Variants in PAGE2B observed in about 807,000 individuals in gnomAD.
The protein encoded by PAGE2B is putative G antigen family E member 3.
A neutral mutation model predicts 7.6 loss-of-function variants in PAGE2B; 5 were observed. That is an observed-to-expected ratio of 0.66 (90% CI 0.34 to 1.38). The LOEUF (loss-of-function observed/expected upper bound fraction) is 1.38. PAGE2B is among the 40% of genes most tolerant of loss of function. The pLI, the probability that PAGE2B is intolerant of heterozygous loss-of-function variation, is 0.04. For synonymous variants in PAGE2B, 29 were observed against 26.7 expected (o/e 1.09, Z -0.27); for missense variants, 70 against 78.4 (o/e 0.89, Z 0.41).
the PAGE2B span, among the ~76,000 whole-genome samples, chrX:55,032,668 A>G: frequency 9.0e-6 from 1 of 111,670 alleles, no homozygotes; most frequent in Non-Finnish European, 1.9e-5. Context: ...TTTGAATAAT[A>G]TTAATATTAA....
At chrX:55,048,362 G>C in the PAGE2B span, among the ~76,000 whole-genome samples, 1 of 111,829 alleles carries the variant, frequency 8.9e-6, no homozygotes, top group Non-Finnish European at 1.9e-5. Flanking sequence ...GTAGCTTGAT[G>C]GGGATGGCAT....
chrX:55,063,454 A>T, the PAGE2B span, among the ~76,000 whole-genome samples: 1 of 111,219 alleles, frequency 9.0e-6, no homozygotes, highest in South Asian at 3.8e-4. Context: ...TCAGTTTATT[A>T]GTTTTCTCGT....
At chrX:55,064,408 C>T in the PAGE2B span, among the ~76,000 whole-genome samples, 1 of 111,248 alleles carries the variant, frequency 9.0e-6, no homozygotes, top group African/African-American at 3.3e-5. Flanking sequence ...TCTCCCTTTT[C>T]GTCTCTGATT....
At chrX:55,066,414 T>G in the PAGE2B span, among the ~76,000 whole-genome samples, 1 of 112,385 alleles carries the variant, frequency 8.9e-6, no homozygotes, top group Non-Finnish European at 1.9e-5. Context: ...TATTGCTGAT[T>G]AACATCCTTT....
the PAGE2B span, among the ~76,000 whole-genome samples, chrX:55,066,627 G>A: frequency 9.0e-6 from 1 of 111,648 alleles, no homozygotes. Flanking sequence ...GGCCTGTAAG[G>A]TTTCCTCTGA....
the PAGE2B span, among the ~76,000 whole-genome samples, chrX:55,048,230 A>C: frequency 3.6e-5 from 4 of 111,560 alleles, no homozygotes; most frequent in Non-Finnish European, 7.5e-5. Context: ...CTTGTAGTAT[A>C]GTTTGAAGTC....
the PAGE2B span, among the ~76,000 whole-genome samples, chrX:55,069,160 A>T: frequency 8.9e-6 from 1 of 111,846 alleles, no homozygotes; most frequent in African/African-American, 3.3e-5. Flanking sequence ...ATTCAGTATG[A>T]TATTGGCTGT....
chrX:55,063,434 A>T, the PAGE2B span, among the ~76,000 whole-genome samples: 8,688 of 110,863 alleles, frequency 0.078, 790 homozygotes, highest in African/African-American at 0.26. Flanking sequence ...AATTTTCCTG[A>T]ATTTGTTTAT....
At chrX:55,075,343 G>A (rs1202449314) in intron 1 of PAGE2B, among the ~76,000 whole-genome samples, 1 of 111,497 alleles carries the variant, frequency 9.0e-6, no homozygotes, top group African/African-American at 3.3e-5. Flanking sequence ...GGGAGGGATC[G>A]CGTGAAGATG....
chrX:55,076,665 C>T lies in PAGE2B; in HGVS notation c.181C>T (p.Pro61Ser), dbSNP rs772473676. 1.7e-6 allele frequency: 2 copies of T among 1,205,171 alleles called. No homozygotes were observed. Among genetic ancestry groups the T allele is most frequent in the East Asian group, 5.9e-5 (2 of 33,739 alleles). ...PSGEIENEGA[P>S]AVQGPDMEAF... ...TGGGGAGATCGAAAATGAAGGAGCA[C>T]CTGCCGTTCAAGGTGAAGGGAGAGT... is the stretch of plus-strand genomic sequence containing the variant. Residue 61 changes from proline (P) to serine (S), a missense_variant, in exon 3 of 5, where the codon CCT (proline) becomes TCT (serine). Pro to Ser is a moderately conservative substitution (Grantham distance 74, BLOSUM62 -1). Coordinates refer to ENST00000374971, the MANE Select transcript of PAGE2B (RefSeq NM_001015038.3).
chrX:55,075,941 A>G (rs1396802073), intron 1 of PAGE2B, 93 bp from the exon 2 acceptor site: 1 of 878,660 alleles, frequency 1.1e-6, no homozygotes, highest in Non-Finnish European at 1.6e-6. Context: ...TTTCAAAATT[A>G]AAAAAATACA....
chrX:55,031,078 T>C, the PAGE2B span: 2 of 297,677 alleles, frequency 6.7e-6, no homozygotes, highest in Admixed American at 7.2e-5. Flanking sequence ...CCCAAAGGTA[T>C]CTCAGTCCCT....
chrX:55,032,508 G>A, the PAGE2B span, among the ~76,000 whole-genome samples: 3 of 110,700 alleles, frequency 2.7e-5, no homozygotes, highest in African/African-American at 9.9e-5. Flanking sequence ...TGGACTAAAA[G>A]CATGCACTCT....
chrX:55,071,099 C>T (rs1213920389), upstream of PAGE2B, among the ~76,000 whole-genome samples: 2 of 111,587 alleles, frequency 1.8e-5, no homozygotes, highest in Non-Finnish European at 3.8e-5. Context: ...GTTATTTTGC[C>T]AATTAGTTTA....
the PAGE2B span, chrX:55,054,990 G>T: frequency 2.7e-5 from 3 of 110,971 alleles, no homozygotes; most frequent in Non-Finnish European, 5.7e-5. Flanking sequence ...CAACAGAGAG[G>T]AATATGAATA....
At chrX:55,067,894 G>T in the PAGE2B span, among the ~76,000 whole-genome samples, 1 of 111,678 alleles carries the variant, frequency 9.0e-6, no homozygotes, top group African/African-American at 3.3e-5. Context: ...CTTTTGGGTG[G>T]GTTTGTTTGT....
At chrX:55,045,394 CTT>C in the PAGE2B span, among the ~76,000 whole-genome samples, 2 of 111,724 alleles carry the variant, frequency 1.8e-5, no homozygotes, top group Middle Eastern at 4.7e-3. Flanking sequence ...TCTGACTTGC[CTT>C]AATACTCAGA....
the PAGE2B span, among the ~76,000 whole-genome samples, chrX:55,044,005 T>A: frequency 9.9e-6 from 1 of 101,109 alleles, no homozygotes; most frequent in East Asian, 3.1e-4. Flanking sequence ...TAATAATAGA[T>A]GTTGGCATGG....
chrX:55,058,246 G>T, the PAGE2B span, among the ~76,000 whole-genome samples: 523 of 109,892 alleles, frequency 4.8e-3, 6 homozygotes, highest in East Asian at 0.06. Flanking sequence ...AGTGTCGGGG[G>T]GTGTTCATAT....
Sources: gnomAD v4.1 joint callset for allele counts (sites outside exome capture counted in the v4.1 genomes callset) on GRCh38, gnomAD v4.1.1 for gene constraint, MANE v1.5 for transcripts, NCBI Gene and HGNC (gene_info 2026-07-23, HGNC 2026-07-21) for gene names.